MTSS2: variants seen among roughly 807,000 people sequenced by gnomAD.
MTSS2 encodes protein MTSS 2.
A neutral mutation model predicts 67.1 loss-of-function variants in MTSS2; 27 were observed. The ratio of observed to expected loss-of-function variants is 0.40; its 90% CI spans 0.30 to 0.55. The LOEUF (loss-of-function observed/expected upper bound fraction) is 0.55. Among genes scored for constraint, MTSS2 ranks in the 20% least tolerant of loss-of-function variants. MTSS2 has a pLI of 0.43. For missense variants in MTSS2, 1,171 were observed against 1,067.8 expected (o/e 1.10, Z -1.35); for synonymous variants, 624 against 468.6 (o/e 1.33, Z -4.28).
At chr16:70,677,613 C>T (rs1471497881) in intron 9 of MTSS2, among the ~76,000 whole-genome samples, 179 bp downstream of exon 9, 1 of 152,176 alleles carries the variant, frequency 6.6e-6, no homozygotes, top group Non-Finnish European at 1.5e-5. Flanking sequence ...GGCATACCCT[C>T]CCCGACCTGG....
chr16:70,663,788 G>T lies in MTSS2; in HGVS notation c.2133C>A (p.Pro711=). ...ATPTEETPTP[P]PAATSDPPAE... is the part of the protein sequence containing the mutation. ...CCGGGGGGTCGCTGGTGGCGGCTGG[G>T]GGTGGGGTGGGCGTCTCCTCCGTGG... The change falls in exon 15 of 15, where the codon CCC becomes CCA. Residue 711 remains proline (P), a synonymous_variant. Coordinates refer to ENST00000338779, the MANE Select transcript of MTSS2 (RefSeq NM_138383.3). 1 of 1,520,650 alleles carries T rather than the reference G, an allele frequency of 6.6e-7. No homozygotes were observed. The highest frequency in any genetic ancestry group is 8.8e-7 in the Non-Finnish European group (1 of 1,135,576). The allele number at this position is 1,520,650 out of a possible 1,614,324, so 94.2% of individuals were successfully genotyped here.
At chr16:70,665,766 C>A (rs1393699915) in intron 11 of MTSS2, 1 of 466,662 alleles carries the variant, frequency 2.1e-6, no homozygotes, top group Non-Finnish European at 3.9e-6. Context: ...CACCTGACAG[C>A]CCAGCCCTGC....
intron 14 of MTSS2, 55 bp downstream of exon 14, chr16:70,664,543 C>A (rs2052625483): frequency 1.3e-6 from 2 of 1,592,932 alleles, no homozygotes; most frequent in Non-Finnish European, 1.7e-6. Flanking sequence ...ACGGGGCCCT[C>A]CTGGATGGCT....
At position 70,662,033 on chromosome 16, in the gene MTSS2, C is replaced by G. The variant is rs531151579; in HGVS notation, c.*1644G>C. On this transcript the variant is annotated 3_prime_UTR_variant, in exon 15 of 15. Transcript: ENST00000338779. Reference sequence around the variant, plus strand: ...GCCAGGCAGTTGTTGAACCTAGTGACTTACTTACAGGGACCATTCTTCATC... The same window carrying G: ...GCCAGGCAGTTGTTGAACCTAGTGAGTTACTTACAGGGACCATTCTTCATC... 1 of 151,918 alleles carries G rather than the reference C, an allele frequency of 6.6e-6. No individual in the cohort carries two copies. Among genetic ancestry groups the G allele is most frequent in the Non-Finnish European group, 1.5e-5 (1 of 67,788 alleles). 9.4% of individuals were successfully genotyped at this position (151,918 alleles called of 1,614,324 possible). A position where few individuals can be genotyped will look rare whatever the true frequency, so the allele number is the denominator to read the frequency against.
chr16:70,672,065 T>C (rs1198660945), intron 11 of MTSS2, among the ~76,000 whole-genome samples: 1 of 152,204 alleles, frequency 6.6e-6, no homozygotes, highest in African/African-American at 2.4e-5. Flanking sequence ...TGTAGGGTCC[T>C]AGCCAGGGGC....
intron 1 of MTSS2, among the ~76,000 whole-genome samples, chr16:70,684,194 G>T (rs533471870): frequency 6.6e-6 from 1 of 152,148 alleles, no homozygotes; most frequent in South Asian, 2.1e-4. Context: ...AGGCCCATCC[G>T]GAGCCAGCTC....
chr16:70,678,158 C>G, intron 8 of MTSS2, 94 bp downstream of exon 8: 1 of 1,457,430 alleles, frequency 6.9e-7, no homozygotes. Context: ...TGCCCCCAGC[C>G]AGGGACTGCT....
In MTSS2 at chr16:70,665,463, G is replaced by C; in HGVS notation, c.1128+3C>G. The C allele has an allele frequency of 1.3e-6, 2 of 1,553,664 alleles. No individual in the cohort carries two copies. Among genetic ancestry groups the C allele is most frequent in the Non-Finnish European group, 1.7e-6 (2 of 1,149,962 alleles). ...GTCCTGGGGCCGGGCTGGGAGCACT[G>C]ACCGAGGTGGGGGAGCTGCACTCGC... On this transcript the variant is annotated splice_donor_region_variant and intron_variant, in intron 12 of 14. Transcript: ENST00000338779.
intron 3 of MTSS2, among the ~76,000 whole-genome samples, chr16:70,680,500 A>G (rs1405529263): frequency 2.0e-5 from 3 of 152,196 alleles, no homozygotes; most frequent in African/African-American, 4.8e-5. Flanking sequence ...ACACGAGGGC[A>G]TGAGTGGGAA....
chr16:70,676,815 G>A (rs895158592), intron 10 of MTSS2, 66 bp downstream of exon 10: 34 of 1,395,342 alleles, frequency 2.4e-5, no homozygotes, highest in African/African-American at 2.8e-5. Flanking sequence ...CAATTTTGCT[G>A]GGAACATCCC....
In MTSS2 at chr16:70,685,905, G is replaced by T; in HGVS notation, c.-114C>A. ...GCTCCGAGGCCGGGCCGGGCCTCCC[G>T]CCTCCAGGCTGCGCTCAGCGGCCGG... On this transcript the variant is annotated 5_prime_UTR_variant, in exon 1 of 15. Transcript: ENST00000338779. 2.5e-6 allele frequency: 1 copy of T among 402,200 alleles called. No homozygotes were observed. The highest frequency in any genetic ancestry group is 3.3e-6 in the Non-Finnish European group (1 of 301,514). 24.9% of individuals were successfully genotyped at this position (402,200 alleles called of 1,614,324 possible).
intron 11 of MTSS2, chr16:70,665,925 A>C (rs1388487252): frequency 1.6e-5 from 3 of 187,770 alleles, no homozygotes; most frequent in African/African-American, 7.0e-5. Flanking sequence ...GACACGGGGG[A>C]AGTGTGAAGC....
At chr16:70,671,555 CAATT>C (rs1347337140) in intron 11 of MTSS2, among the ~76,000 whole-genome samples, 13 of 152,190 alleles carry the variant, frequency 8.5e-5, no homozygotes, top group Middle Eastern at 3.4e-3. Context: ...GGTAGAATCT[CAATT>C]AATAAATGTA....
In MTSS2 at chr16:70,679,503, T is replaced by C. The variant is rs1043478261; in HGVS notation, c.457+127A>G. On this transcript the variant is annotated intron_variant, in intron 6 of 14. Transcript: ENST00000338779. ...AGCTCCCTCTGTCCCACCCAACAGGTTGGAGGGTCCTGTGTCGGGGACAGC... is the reference window on the plus strand; with the variant it reads ...AGCTCCCTCTGTCCCACCCAACAGGCTGGAGGGTCCTGTGTCGGGGACAGC... 30 of 1,247,208 alleles carry C rather than the reference T, an allele frequency of 2.4e-5. No individual in the cohort carries two copies. In the African/African-American group the frequency reaches 4.4e-4, roughly 18 times the overall value. The allele number at this position is 1,247,208 out of a possible 1,614,324, so 77.3% of individuals were successfully genotyped here.
chr16:70,677,953 C>T (rs1354295507), intron 8 of MTSS2, 54 bp from the exon 9 acceptor site: 8 of 1,397,674 alleles, frequency 5.7e-6, no homozygotes, highest in Admixed American at 2.0e-5. Context: ...TGCCCGCCTG[C>T]CCAGCGCCCC....
chr16:70,675,540 G>C (rs748755219), intron 10 of MTSS2, among the ~76,000 whole-genome samples: 1 of 152,060 alleles, frequency 6.6e-6, no homozygotes, highest in Admixed American at 6.5e-5. Flanking sequence ...TCAGCCTCCC[G>C]AGTAGCTGGG....
rs772179034 is a variant in MTSS2, at chr16:70,674,514, C to T, written c.845G>A (p.Ser282Asn). Reference sequence around the variant, plus strand: ...GGCTCCGCCACCCTTGGCACTGCTACTGCTGCTGGGGGCACTAGGGGAGTG... The same window carrying T: ...GGCTCCGCCACCCTTGGCACTGCTATTGCTGCTGGGGGCACTAGGGGAGTG... ...KSSMCSAPSS[S>N]SSAKGGGAPW... The change falls in exon 11 of 15, where the codon AGT becomes AAT. Residue 282 changes from serine (S) to asparagine (N), a missense_variant. This residue lies in a region of MTSS2 where 924 missense variants were observed against 756.0 expected (regional missense o/e 1.22). Transcript: ENST00000338779. The T allele has an allele frequency of 4.3e-6, 7 of 1,613,226 alleles. No individual in the cohort carries two copies. The highest frequency in any genetic ancestry group is 5.1e-6 in the Non-Finnish European group (6 of 1,179,974).
intron 2 of MTSS2, 41 bp from the exon 3 acceptor site, chr16:70,680,908 C>CGGGGGTGGGGGGGGGG: frequency 8.5e-7 from 1 of 1,174,318 alleles, no homozygotes; most frequent in Admixed American, 2.5e-5. Flanking sequence ...GGTGGTTGGG[C>CGGGGGTGGGGGGGGGG]GGGGGGGGGG....
rs969897035 is a variant in MTSS2, at chr16:70,668,906, G to A, written c.1054-3366C>T. ...TAAGCCACCCAGGTTATGGTATTTT[G>A]TTACGGCAGTCCAAATTGACTAAGA... is the stretch of plus-strand genomic sequence containing the variant. On this transcript the variant is annotated intron_variant, in intron 11 of 14. Transcript: ENST00000338779. Among the ~76,000 whole-genome samples the A allele has an allele frequency of 5.3e-5, 8 of 152,012 alleles. 1 individual carries two copies. The highest frequency in any genetic ancestry group is 1.5e-5 in the Non-Finnish European group (1 of 68,010).
Sources: allele counts gnomAD v4.1 joint callset (sites outside exome capture counted in the v4.1 genomes callset), GRCh38; gene constraint gnomAD v4.1.1; regional missense constraint gnomAD v4.1.1; transcripts MANE v1.5; gene names NCBI Gene and HGNC (gene_info 2026-07-23, HGNC 2026-07-21).